NTRK3: variants seen among roughly 807,000 people sequenced by gnomAD.
NTRK3 encodes the protein neurotrophic receptor tyrosine kinase 3.
In NTRK3, 24 loss-of-function variants were observed where a neutral mutation model predicts 91.7. The ratio of observed to expected loss-of-function variants is 0.26; its 90% CI spans 0.19 to 0.37. The LOEUF is 0.37. NTRK3 is among the 10% of genes least tolerant of loss of function. The probability of loss-of-function intolerance (pLI) is 1.00; values close to 1 mark genes in which losing one functional copy is unlikely to be tolerated. For missense variants in NTRK3, 880 were observed against 1,068.9 expected, an observed-to-expected ratio of 0.82 and a Z score of 2.46; for synonymous variants, 483 against 404.0, an observed-to-expected ratio of 1.20 and a Z score of -2.34.
chr15:88,057,643 A>G (rs1264752475), intron 13 of NTRK3, among the ~76,000 whole-genome samples: 1 of 152,168 alleles, frequency 6.6e-6, no homozygotes, highest in Non-Finnish European at 1.5e-5. Context: ...ATTGACTACA[A>G]CCTCAGGGGA....
intron 9 of NTRK3, among the ~76,000 whole-genome samples, chr15:88,135,664 C>T (rs1329428213): frequency 6.6e-6 from 1 of 152,204 alleles, no homozygotes; most frequent in African/African-American, 2.4e-5. Context: ...TAGAAGTGTC[C>T]TGAAGATGTA....
intron 18 of NTRK3, among the ~76,000 whole-genome samples, chr15:87,879,181 A>G (rs1027724258): frequency 3.3e-5 from 5 of 152,200 alleles, no homozygotes; most frequent in Non-Finnish European, 5.9e-5. Context: ...TGGTCAAGAC[A>G]TAGGAGAGCA....
At chr15:87,961,767 C>A (rs1045379233) in intron 14 of NTRK3, among the ~76,000 whole-genome samples, 2 of 152,398 alleles carry the variant, frequency 1.3e-5, no homozygotes, top group African/African-American at 4.8e-5. Flanking sequence ...GAGCACCAGG[C>A]TTCCCTTTGG....
intron 13 of NTRK3, among the ~76,000 whole-genome samples, chr15:88,058,701 T>A (rs945671754): frequency 6.6e-6 from 1 of 152,122 alleles, no homozygotes; most frequent in Non-Finnish European, 1.5e-5. Context: ...ATCTGTTGCA[T>A]CCTCCCCTAA....
intron 13 of NTRK3, among the ~76,000 whole-genome samples, chr15:88,041,852 C>T (rs2079657276): frequency 7.4e-6 from 1 of 135,432 alleles, no homozygotes; most frequent in Non-Finnish European, 1.6e-5. Context: ...AAAAAAAGGG[C>T]TTGTCGTCCT....
At chr15:88,017,648 C>G (rs77926932) in intron 14 of NTRK3, among the ~76,000 whole-genome samples, 1,522 of 152,196 alleles carry the variant, frequency 0.01, 22 homozygotes, top group African/African-American at 0.035. Flanking sequence ...CACCCCTAGC[C>G]ACCCCACCCA....
intron 14 of NTRK3, among the ~76,000 whole-genome samples, chr15:87,952,286 AAAG>A: frequency 6.6e-6 from 1 of 152,006 alleles, no homozygotes; most frequent in East Asian, 1.9e-4. Flanking sequence ...GAAAGAAAGA[AAAG>A]AAAGACTCCT....
chr15:87,866,486 TATA>T (rs910631563), exon 19 of NTRK3: 7 of 167,610 alleles, frequency 4.2e-5, no homozygotes, highest in Admixed American at 1.3e-4. Flanking sequence ...ATATATCCCA[TATA>T]ATAATAATCA....
Position 88,067,846 on chromosome 15 carries a change from CATGAA to C in NTRK3, c.1397-34806_1397-34802del, listed in dbSNP as rs141197777. ...TGAGGTCAAGATTAAGTGTAATATA[CATGAA>C]AAGTCCTTGACACAGGACTTGATGG... On this transcript the variant is annotated intron_variant, in intron 13 of 18. Transcript: ENST00000394480. Among the ~76,000 whole-genome samples the C allele has an allele frequency of 1.2e-3, 179 of 152,278 alleles. 1 individual carries two copies. The East Asian group carries it at 0.029, about 25-fold the overall frequency.
chr15:88,208,731 A>G (rs1172406170), intron 3 of NTRK3, among the ~76,000 whole-genome samples: 2 of 152,208 alleles, frequency 1.3e-5, no homozygotes, highest in South Asian at 4.1e-4. Flanking sequence ...GGTAAGCTGA[A>G]GCAGTCAAAT....
At chr15:87,938,928 C>T (rs1338763345) in intron 15 of NTRK3, among the ~76,000 whole-genome samples, 1 of 152,118 alleles carries the variant, frequency 6.6e-6, no homozygotes, top group Non-Finnish European at 1.5e-5. Flanking sequence ...TAATCATTAG[C>T]CTTTTAGGAT....
intron 5 of NTRK3, among the ~76,000 whole-genome samples, chr15:88,172,390 G>A (rs2045600801): frequency 1.3e-5 from 2 of 152,178 alleles, no homozygotes; most frequent in Non-Finnish European, 2.9e-5. Flanking sequence ...TGAAGCCTTA[G>A]GGAAGAGGGG....
chr15:87,879,596 G>C (rs1483788534), intron 18 of NTRK3, among the ~76,000 whole-genome samples: 1 of 152,126 alleles, frequency 6.6e-6, no homozygotes, highest in Admixed American at 6.6e-5. Context: ...AAAAATTACT[G>C]AATTAATAGA....
At chr15:87,876,849 G>A (rs2064967947) in exon 19 of NTRK3, 1 of 1,449,746 alleles carries the variant, frequency 6.9e-7, no homozygotes, top group Non-Finnish European at 9.7e-7. Flanking sequence ...TTCAGTCAAG[G>A]ATGGAAGGAG....
At chr15:88,117,829 A>T (rs1419683668) in intron 13 of NTRK3, among the ~76,000 whole-genome samples, 1 of 152,198 alleles carries the variant, frequency 6.6e-6, no homozygotes, top group Non-Finnish European at 1.5e-5. Context: ...AGAGACAGGG[A>T]GTGTTATTAA....
exon 19 of NTRK3, chr15:87,876,964 T>C: frequency 6.2e-7 from 1 of 1,613,756 alleles, no homozygotes; most frequent in Non-Finnish European, 8.5e-7. Context: ...TAGATTGGGG[T>C]GGCCTTCCCC....
chr15:87,940,598 G>C (rs1293852338), intron 15 of NTRK3, 25 bp downstream of exon 15: 1 of 1,612,986 alleles, frequency 6.2e-7, no homozygotes, highest in East Asian at 2.2e-5. Context: ...CCTCCTCCTG[G>C]TGCCGGCATG....
chr15:88,122,705 C>T (rs753214893), intron 13 of NTRK3, among the ~76,000 whole-genome samples: 20 of 152,098 alleles, frequency 1.3e-4, no homozygotes, highest in Non-Finnish European at 2.6e-4. Flanking sequence ...CCTATCGATA[C>T]ACCTGGCCCT....
At chr15:87,938,208 T>G (rs2069482029) in intron 15 of NTRK3, among the ~76,000 whole-genome samples, 1 of 152,220 alleles carries the variant, frequency 6.6e-6, no homozygotes, top group South Asian at 2.1e-4. Context: ...GTAAGCACCT[T>G]AAAAATAGGC....
Sources: gnomAD v4.1 joint callset for allele counts (sites outside exome capture counted in the v4.1 genomes callset) on GRCh38, gnomAD v4.1.1 for gene constraint, MANE v1.5 for transcripts, NCBI Gene and HGNC (gene_info 2026-07-23, HGNC 2026-07-21) for gene names.